TRIM63: variants seen among roughly 807,000 people sequenced by gnomAD.
The protein encoded by TRIM63 is tripartite motif containing 63.
A neutral mutation model predicts 46.0 loss-of-function variants in TRIM63; 48 were observed. The observed-to-expected ratio is 1.04, with a 90% CI of 0.83 to 1.33. TRIM63 has a LOEUF of 1.33. TRIM63 is among the 40% of genes most tolerant of loss of function. The pLI, the probability that TRIM63 is intolerant of heterozygous loss-of-function variation, is 0.00. For missense variants in TRIM63, 455 were observed against 441.2 expected (o/e 1.03, Z -0.28); for synonymous variants, 175 against 162.8 (o/e 1.08, Z -0.57).
intron 7 of TRIM63, among the ~76,000 whole-genome samples, 168 bp downstream of exon 7, chr1:26,057,035 T>C (rs530550138): frequency 5.3e-5 from 8 of 152,350 alleles, no homozygotes; most frequent in African/African-American, 1.9e-4. Flanking sequence ...AGTGCTGGGA[T>C]TACAGGCATG....
At chr1:26,059,364 CT>C (rs1262341555) in intron 4 of TRIM63, among the ~76,000 whole-genome samples, 4 of 152,032 alleles carry the variant, frequency 2.6e-5, no homozygotes, top group African/African-American at 7.2e-5. Context: ...GCTGTGTGAC[CT>C]TCAACAAATT....
At chr1:26,060,508 G>C in intron 3 of TRIM63, 147 bp from the exon 4 acceptor site, 1 of 616,498 alleles carries the variant, frequency 1.6e-6, no homozygotes, top group Admixed American at 2.7e-5. Context: ...TTCGGGTATA[G>C]CTCAGCTCCA....
intron 7 of TRIM63, 92 bp from the exon 8 acceptor site, chr1:26,054,056 C>T: frequency 1.1e-6 from 1 of 891,504 alleles, no homozygotes; most frequent in South Asian, 1.8e-5. Context: ...CGGTCTAAAC[C>T]CCTTCCTGTG....
intron 2 of TRIM63, among the ~76,000 whole-genome samples, chr1:26,063,169 G>A (rs1377215258): frequency 6.6e-6 from 1 of 152,126 alleles, no homozygotes; most frequent in African/African-American, 2.4e-5. Flanking sequence ...CTCCTGGGCT[G>A]AGCAATCCTC....
At chr1:26,059,680 C>G (rs2050605397) in intron 4 of TRIM63, among the ~76,000 whole-genome samples, 1 of 152,166 alleles carries the variant, frequency 6.6e-6, no homozygotes, top group Non-Finnish European at 1.5e-5. Context: ...CTCATCTCAT[C>G]TCCAGATCCC....
intron 2 of TRIM63, among the ~76,000 whole-genome samples, chr1:26,062,360 A>G (rs1395724484): frequency 1.3e-5 from 2 of 152,200 alleles, no homozygotes; most frequent in Admixed American, 6.5e-5. Flanking sequence ...ATTTATTAAC[A>G]TTCTCCATAA....
In TRIM63 at chr1:26,067,487, T is replaced by C. The variant is rs750685454; in HGVS notation, c.8A>G (p.Tyr3Cys). Residue 3 changes from tyrosine (Y) to cysteine (C), a missense_variant, in exon 1 of 9, where the codon TAT becomes TGT. Transcript: ENST00000374272. The stretch of plus-strand genomic sequence containing the variant: ...CCCATCCTGGATCAGGCTCGACTTA[T>C]AATCCATTCTGTGGGAAGGAATGAG... MD[Y>C]KSSLIQDGNP... 5.6e-6 allele frequency: 9 copies of C among 1,613,920 alleles called. No homozygotes were observed. The highest frequency in any genetic ancestry group is 7.6e-6 in the Non-Finnish European group (9 of 1,180,020).
chr1:26,060,955 T>A (rs2050618580), intron 3 of TRIM63, among the ~76,000 whole-genome samples: 1 of 152,136 alleles, frequency 6.6e-6, no homozygotes, highest in African/African-American at 2.4e-5. Context: ...CACACCCAGG[T>A]GCTCTCGAGT....
intron 7 of TRIM63, among the ~76,000 whole-genome samples, chr1:26,054,191 T>C (rs1284137575): frequency 6.6e-6 from 1 of 151,780 alleles, no homozygotes; most frequent in Non-Finnish European, 1.5e-5. Flanking sequence ...GGAGCTGGGC[T>C]CAAGTCACTT....
chr1:26,060,866 G>A (rs765264751), intron 3 of TRIM63, among the ~76,000 whole-genome samples: 3 of 152,190 alleles, frequency 2.0e-5, no homozygotes, highest in Non-Finnish European at 4.4e-5. Flanking sequence ...CACAGGAAGA[G>A]GTGTCTGGGG....
chr1:26,066,822 C>A (rs778401102), intron 1 of TRIM63, among the ~76,000 whole-genome samples: 3 of 151,948 alleles, frequency 2.0e-5, no homozygotes, highest in Non-Finnish European at 4.4e-5. Context: ...CATGGGGAAC[C>A]TCGCATCCTG....
In TRIM63 at chr1:26,058,519, C is replaced by T. The variant is rs761826403; in HGVS notation, c.702G>A (p.Glu234=). The T allele has an allele frequency of 4.3e-6, 7 of 1,614,114 alleles. No individual in the cohort carries two copies. The highest frequency in any genetic ancestry group is 2.7e-5 in the African/African-American group (2 of 74,938). Reference sequence around the variant, plus strand: ...CGATGAAGCTAAGCTTTTTCTCCTGCTCCTGCGTGATCCGCTGCAGCAACT... The same window carrying T: ...CGATGAAGCTAAGCTTTTTCTCCTGTTCCTGCGTGATCCGCTGCAGCAACT... ...KSELLQRITQ[E]QEKKLSFIEA... Residue 234 remains glutamate, a synonymous_variant, in exon 5 of 9, where the codon GAG becomes GAA. Transcript: ENST00000374272.
chr1:26,054,626 C>A (rs1044692515), intron 7 of TRIM63, among the ~76,000 whole-genome samples: 5 of 152,142 alleles, frequency 3.3e-5, no homozygotes, highest in Non-Finnish European at 5.9e-5. Context: ...ACCTCCTTAA[C>A]CTTTTGGGGC....
chr1:26,055,642 G>C (rs1284598398), intron 7 of TRIM63, among the ~76,000 whole-genome samples: 3 of 151,820 alleles, frequency 2.0e-5, no homozygotes, highest in African/African-American at 7.3e-5. Flanking sequence ...TCCCGAGTTA[G>C]CTGGGATTAC....
At position 26,053,954 on chromosome 1, in the gene TRIM63, C is replaced by T; in HGVS notation, c.990G>A (p.Glu330=). ...GATCTTCTTCTTCAATGAATTCTTC[C>T]TCTTCCTCATCTGTGACAAAAAAAC... ...RAIDFGTDEE[E]EEFIEEEDQE... Residue 330 remains glutamate, a synonymous_variant, in exon 8 of 9, where the codon GAG becomes GAA. Transcript: ENST00000374272. 1 of 1,587,492 alleles carries T rather than the reference C, an allele frequency of 6.3e-7. No individual in the cohort carries two copies. The highest frequency in any genetic ancestry group is 8.5e-7 in the Non-Finnish European group (1 of 1,171,684).
intron 3 of TRIM63, 23 bp downstream of exon 3, chr1:26,061,143 G>C (rs768253351): frequency 6.2e-7 from 1 of 1,609,608 alleles, no homozygotes; most frequent in Non-Finnish European, 8.5e-7. Flanking sequence ...CAGGCTGGGG[G>C]TAAAAGTGGC....
At chr1:26,060,399 A>T in intron 3 of TRIM63, 38 bp from the exon 4 acceptor site, 1 of 1,548,556 alleles carries the variant, frequency 6.5e-7, no homozygotes, top group East Asian at 2.2e-5. Flanking sequence ...GGAGAGACAC[A>T]AATAGCCTCA....
chr1:26,061,184 ACT>A lies in TRIM63; in HGVS notation c.481_482del (p.Ser161CysfsTer8), dbSNP rs540072010. On this transcript the variant is annotated frameshift_variant, in exon 3 of 9. Coordinates refer to ENST00000374272, the MANE Select transcript of TRIM63 (RefSeq NM_032588.4). LOFTEE classifies it high-confidence loss of function. The part of the protein sequence containing the change: ...HKACEVAPLQ[S>X]VFQGQKTELN... ...ACAGTACCTTTTGTCCCTGGAAGAC[ACT>A]CTGCAATGGGGCCACCTCGCAGGCC... 225 of 1,613,958 alleles carry A rather than the reference ACT, an allele frequency of 1.4e-4. No homozygotes were observed. Among genetic ancestry groups the A allele is most frequent in the Non-Finnish European group, 1.8e-4 (209 of 1,179,960 alleles).
intron 4 of TRIM63, 35 bp from the exon 5 acceptor site, chr1:26,058,658 G>A: frequency 6.3e-7 from 1 of 1,587,226 alleles, no homozygotes; most frequent in Non-Finnish European, 8.6e-7. Context: ...CGTTCTGTAG[G>A]GTCTTTATTC....
Sources: gnomAD v4.1 joint callset for allele counts (sites outside exome capture counted in the v4.1 genomes callset) on GRCh38, gnomAD v4.1.1 for gene constraint, MANE v1.5 for transcripts, NCBI Gene and HGNC (gene_info 2026-07-23, HGNC 2026-07-21) for gene names.